Variants in KCNK9 observed in about 807,000 individuals in gnomAD.
KCNK9 encodes potassium channel subfamily K member 9.
In KCNK9, 1 loss-of-function variant was observed where a neutral mutation model predicts 10.8. That is an observed-to-expected ratio of 0.09 (90% CI 0.03 to 0.44). KCNK9 has a LOEUF of 0.44. KCNK9 is among the 20% of genes least tolerant of loss of function. The pLI is 0.97. For missense variants in KCNK9, 303 were observed against 515.0 expected, an observed-to-expected ratio of 0.59 and a Z score of 3.98; for synonymous variants, 231 against 222.7, an observed-to-expected ratio of 1.04 and a Z score of -0.33.
chr8:139,606,980 A>AAC (rs1256371391), intron 2 of KCNK9, among the ~76,000 whole-genome samples: 4 of 151,964 alleles, frequency 2.6e-5, no homozygotes, highest in Admixed American at 6.5e-5. Flanking sequence ...ATCCCCCCGC[A>AAC]ACACACACAC....
Position 139,703,034 on chromosome 8 carries a change from G to A in KCNK9, c.-42C>T. The A allele has an allele frequency of 6.5e-7, 1 of 1,531,984 alleles. No individual in the cohort carries two copies. The highest frequency in any genetic ancestry group is 1.2e-5 in the South Asian group (1 of 83,202). 94.9% of individuals were successfully genotyped at this position (1,531,984 alleles called of 1,614,324 possible). On this transcript the variant is annotated 5_prime_UTR_variant, in exon 1 of 2. Transcript: ENST00000520439. This position sits in a 1 kb window ranked among gnomAD's most constrained non-coding sequence, Gnocchi z 6.4. ...CCGGCGCGGGGGGCATGTCCCGCAG[G>A]CTCACAGCCGCGCGCGTCCCACTGC...
chr8:139,641,722 A>G (rs1815512187), intron 1 of KCNK9, among the ~76,000 whole-genome samples: 1 of 151,846 alleles, frequency 6.6e-6, no homozygotes, highest in African/African-American at 2.4e-5. Flanking sequence ...TCTCCCTAGG[A>G]GCCCTTGTCC....
intron 1 of KCNK9, among the ~76,000 whole-genome samples, chr8:139,658,163 T>C (rs985393332): frequency 6.6e-6 from 1 of 152,128 alleles, no homozygotes; most frequent in African/African-American, 2.4e-5. Flanking sequence ...AAGGAGAGGT[T>C]GAGGGCACCA....
At chr8:139,692,281 C>T (rs760039385) in intron 1 of KCNK9, among the ~76,000 whole-genome samples, 6 of 152,172 alleles carry the variant, frequency 3.9e-5, no homozygotes, top group Admixed American at 1.3e-4. Context: ...CTCCTGAACA[C>T]GATCCCTAAA....
At chr8:139,676,688 C>T (rs1281172873) in intron 1 of KCNK9, among the ~76,000 whole-genome samples, 1 of 152,230 alleles carries the variant, frequency 6.6e-6, no homozygotes, top group East Asian at 1.9e-4. Flanking sequence ...CGGTGGCTCA[C>T]ACCTGTAATC....
chr8:139,661,679 G>A (rs559449381), intron 1 of KCNK9, among the ~76,000 whole-genome samples: 12 of 152,362 alleles, frequency 7.9e-5, no homozygotes, highest in African/African-American at 2.9e-4. Flanking sequence ...GGAGGTCCCA[G>A]GAGAGGCCAA....
At position 139,702,924 on chromosome 8, in the gene KCNK9, G is replaced by T. The variant is rs560052728; in HGVS notation, c.69C>A (p.Ala23=). ...CCGACTCGAGGGCGTCGAACACGGC[G>T]GCGCCCACCAGCAGGTAGGTGAAGG... The part of the protein sequence containing the change: ...VCTFTYLLVG[A]AVFDALESDH... The change falls in exon 1 of 2, where the codon GCC becomes GCA. Residue 23 remains alanine, a synonymous_variant. Coordinates refer to ENST00000520439, the MANE Select transcript of KCNK9 (RefSeq NM_001282534.2). This position sits in a 1 kb window ranked among gnomAD's most constrained non-coding sequence, Gnocchi z 7.5. 5 of 1,613,266 alleles carry T rather than the reference G, an allele frequency of 3.1e-6. No individual in the cohort carries two copies. The highest frequency in any genetic ancestry group is 1.3e-5 in the African/African-American group (1 of 74,950).
intron 2 of KCNK9, among the ~76,000 whole-genome samples, chr8:139,606,484 C>A (rs574129466): frequency 6.6e-6 from 1 of 152,282 alleles, no homozygotes; most frequent in Non-Finnish European, 1.5e-5. Flanking sequence ...CCCCACCCTC[C>A]CCAGGAGGTG....
At chr8:139,643,899 C>T (rs369425756) in intron 1 of KCNK9, among the ~76,000 whole-genome samples, 2 of 152,178 alleles carry the variant, frequency 1.3e-5, no homozygotes, top group Non-Finnish European at 2.9e-5. Flanking sequence ...GGAAGGGAGT[C>T]GAGGGGGCTC....
intron 1 of KCNK9, among the ~76,000 whole-genome samples, chr8:139,679,826 C>A (rs1306995184): frequency 6.6e-6 from 1 of 152,210 alleles, no homozygotes; most frequent in Non-Finnish European, 1.5e-5. Context: ...TGTCACCCGC[C>A]CTTCCTGTGA....
chr8:139,690,132 G>T (rs921646068), intron 1 of KCNK9, among the ~76,000 whole-genome samples: 2 of 152,306 alleles, frequency 1.3e-5, no homozygotes, highest in Admixed American at 6.5e-5. Flanking sequence ...AACTGATAAA[G>T]GTGAAAAGAC....
chr8:139,619,262 A>AG (rs1263170392), intron 1 of KCNK9, among the ~76,000 whole-genome samples, 163 bp from the exon 2 acceptor site: 1 of 151,730 alleles, frequency 6.6e-6, no homozygotes. Context: ...TATTGGAGGG[A>AG]GGAGAACAAA....
At chr8:139,636,939 G>C (rs905713719) in intron 1 of KCNK9, among the ~76,000 whole-genome samples, 3 of 152,210 alleles carry the variant, frequency 2.0e-5, no homozygotes, top group African/African-American at 7.2e-5. Context: ...CATTCAGTGA[G>C]AGGGCAGTAT....
intron 1 of KCNK9, among the ~76,000 whole-genome samples, chr8:139,676,987 A>C: frequency 6.6e-6 from 1 of 152,128 alleles, no homozygotes; most frequent in East Asian, 1.9e-4. Flanking sequence ...AGACAAAACA[A>C]AACAAAAAGG....
At chr8:139,652,299 A>T (rs1032004175) in intron 1 of KCNK9, among the ~76,000 whole-genome samples, 3 of 152,148 alleles carry the variant, frequency 2.0e-5, no homozygotes, top group Admixed American at 2.0e-4. Flanking sequence ...GCCGACTAGG[A>T]ACTAGTTTTC....
chr8:139,628,510 G>A (rs1283297004), intron 1 of KCNK9, among the ~76,000 whole-genome samples: 4 of 152,156 alleles, frequency 2.6e-5, no homozygotes, highest in Admixed American at 6.5e-5. Context: ...GACCAGGCAG[G>A]GCATGGCCCC....
In KCNK9 at chr8:139,618,170, TA is replaced by T; in HGVS notation, c.*87del. ...GTAATAATGATGACAATAATAATAA[TA>T]AATAAATAAGAAAAGACGAGTTGGA... On this transcript the variant is annotated 3_prime_UTR_variant, in exon 2 of 2. Transcript: ENST00000520439. This position sits in a 1 kb window ranked among gnomAD's most constrained non-coding sequence, Gnocchi z 7.9. 1 of 1,498,996 alleles carries T rather than the reference TA, an allele frequency of 6.7e-7. No individual in the cohort carries two copies. The highest frequency in any genetic ancestry group is 9.2e-7 in the Non-Finnish European group (1 of 1,085,456). 92.9% of individuals were successfully genotyped at this position (1,498,996 alleles called of 1,614,324 possible). A position where few individuals can be genotyped will look rare whatever the true frequency, so the allele number is the denominator to read the frequency against.
At chr8:139,621,131 A>AAATACAAAAATT (rs980419712) in intron 1 of KCNK9, among the ~76,000 whole-genome samples, 2 of 152,092 alleles carry the variant, frequency 1.3e-5, no homozygotes, top group Non-Finnish European at 1.5e-5. Flanking sequence ...AATTTTGTAA[A>AAATACAAAAATT]AATACAAAAA....
At chr8:139,613,340 A>T (rs368918483), downstream of KCNK9, among the ~76,000 whole-genome samples, 1 of 152,082 alleles carries the variant, frequency 6.6e-6, no homozygotes, top group Non-Finnish European at 1.5e-5. Flanking sequence ...GTGGTCATAG[A>T]TTTGCTGTTT....
Sources: allele counts gnomAD v4.1 joint callset (sites outside exome capture counted in the v4.1 genomes callset), GRCh38; gene constraint gnomAD v4.1.1; non-coding constraint Gnocchi (gnomAD v3.1); transcripts MANE v1.5; gene names NCBI Gene and HGNC (gene_info 2026-07-23, HGNC 2026-07-21).